The following SNX27 variants were observed in gnomAD, a reference collection of about 807,000 sequenced individuals.
The protein encoded by SNX27 is sorting nexin-27.
In SNX27, 22 loss-of-function variants were observed where a neutral mutation model predicts 71.6. That is an observed-to-expected ratio of 0.31 (90% CI 0.22 to 0.44). The LOEUF (loss-of-function observed/expected upper bound fraction) is 0.44, where lower values mean the gene tolerates loss of function less well. SNX27 is among the 20% of genes least tolerant of loss of function. The pLI is 1.00. For missense variants in SNX27, 531 were observed against 698.6 expected, an observed-to-expected ratio of 0.76 and a Z score of 2.70; for synonymous variants, 269 against 277.2, an observed-to-expected ratio of 0.97 and a Z score of 0.29.
chr1:151,690,569 C>A (rs1671390643), intron 8 of SNX27, among the ~76,000 whole-genome samples: 1 of 151,872 alleles, frequency 6.6e-6, no homozygotes, highest in Non-Finnish European at 1.5e-5. Flanking sequence ...TCCCACCTCA[C>A]CCTCCCAAGT....
intron 2 of SNX27, among the ~76,000 whole-genome samples, chr1:151,650,992 T>A (rs1401617949): frequency 6.6e-6 from 1 of 152,160 alleles, no homozygotes; most frequent in Non-Finnish European, 1.5e-5. Flanking sequence ...AAGTCTCCCA[T>A]GTCTACTTCT....
chr1:151,663,153 T>C (rs1013122138), intron 5 of SNX27, among the ~76,000 whole-genome samples: 6 of 142,012 alleles, frequency 4.2e-5, no homozygotes, highest in Non-Finnish European at 9.3e-5. Context: ...TCACATTTGA[T>C]TTTTTTTTTT....
Position 151,694,660 on chromosome 1 carries a change from A to G in SNX27, c.*243A>G. Reference sequence around the variant, plus strand: ...CTGAGTTAAGGCAGGAAAAGAAATAAGCCCAACCAACTTGCCAAAGGTATC... The same window carrying G: ...CTGAGTTAAGGCAGGAAAAGAAATAGGCCCAACCAACTTGCCAAAGGTATC... On this transcript the variant is annotated 3_prime_UTR_variant, in exon 12 of 12. Transcript: ENST00000458013. 2.3e-6 allele frequency: 1 copy of G among 425,846 alleles called. No homozygotes were observed. The highest frequency in any genetic ancestry group is 4.1e-6 in the Non-Finnish European group (1 of 241,364). 26.4% of individuals were successfully genotyped at this position (425,846 alleles called of 1,614,324 possible).
At position 151,693,272 on chromosome 1, in the gene SNX27, G is replaced by A. The variant is rs1038860168; in HGVS notation, c.1519-152G>A. ...CCACTAGAAGGAGCTAGAGAATAGT[G>A]GATGAACCAGGCCTGGGTTTTATGG... On this transcript the variant is annotated intron_variant, in intron 10 of 11. Transcript: ENST00000458013. 10 of 914,714 alleles carry A rather than the reference G, an allele frequency of 1.1e-5. No individual in the cohort carries two copies. The African/African-American group carries it at 1.7e-4, about 15-fold the overall frequency. The allele number at this position is 914,714 out of a possible 1,614,324, so 56.7% of individuals were successfully genotyped here. A position where few individuals can be genotyped will look rare whatever the true frequency, so the allele number is the denominator to read the frequency against.
At chr1:151,658,518 C>T in intron 3 of SNX27, 91 bp downstream of exon 3, 1 of 1,279,622 alleles carries the variant, frequency 7.8e-7, no homozygotes, top group Non-Finnish European at 1.1e-6. Context: ...TCCAGAACCT[C>T]AATAGTGAAT....
chr1:151,652,126 G>T (rs1669423328), intron 2 of SNX27, among the ~76,000 whole-genome samples: 1 of 150,574 alleles, frequency 6.6e-6, no homozygotes, highest in Non-Finnish European at 1.5e-5. Flanking sequence ...GTTGCAGTGA[G>T]CCGAGATGGC....
rs1441947959 is a variant in SNX27 at position 151,642,135 on chromosome 1, G to A, written c.543+3016G>A. Among the ~76,000 whole-genome samples, 3 of 151,876 alleles carry A rather than the reference G, an allele frequency of 2.0e-5. No homozygotes were observed. The East Asian group carries it at 5.8e-4, about 29-fold the overall frequency. On this transcript the variant is annotated intron_variant, in intron 2 of 11. Coordinates refer to ENST00000458013, the MANE Select transcript of SNX27 (RefSeq NM_001330723.2). The stretch of plus-strand genomic sequence containing the variant: ...TGTAATCCCAGCACTTTGGGAAGCT[G>A]AGGTGGGCAGATCACCTGAGGTCGG...
At chr1:151,673,022 T>C (rs1475506285) in intron 7 of SNX27, among the ~76,000 whole-genome samples, 1 of 151,998 alleles carries the variant, frequency 6.6e-6, no homozygotes, top group Non-Finnish European at 1.5e-5. Context: ...TAATTGGGTT[T>C]GGTTTGCTCT....
chr1:151,674,827 C>T (rs949455892), intron 7 of SNX27, among the ~76,000 whole-genome samples: 1 of 152,076 alleles, frequency 6.6e-6, no homozygotes, highest in Non-Finnish European at 1.5e-5. Context: ...GCTGGGATTA[C>T]AGGCACCCAC....
rs1435726771 is a variant in SNX27 at position 151,694,460 on chromosome 1, A to T, written c.*43A>T. The T allele has an allele frequency of 7.9e-6, 12 of 1,524,700 alleles. No individual in the cohort carries two copies. Among genetic ancestry groups the T allele is most frequent in the African/African-American group, 1.4e-5 (1 of 71,558 alleles). The allele number at this position is 1,524,700 out of a possible 1,614,324, so 94.4% of individuals were successfully genotyped here. A position where few individuals can be genotyped will look rare whatever the true frequency, so the allele number is the denominator to read the frequency against. ...CCCTTCCCTTCACCCCCATCCTCTT[A>T]CTCCTTTCATGTCCCATTTCAGACA... On this transcript the variant is annotated 3_prime_UTR_variant, in exon 12 of 12. Coordinates refer to ENST00000458013, the MANE Select transcript of SNX27 (RefSeq NM_001330723.2).
intron 1 of SNX27, among the ~76,000 whole-genome samples, chr1:151,620,850 C>T (rs527591811): frequency 9.2e-5 from 14 of 152,138 alleles, no homozygotes; most frequent in African/African-American, 3.4e-4. Context: ...CCACCATGCC[C>T]AGCTGAATTG....
intron 10 of SNX27, 163 bp downstream of exon 10, chr1:151,693,202 C>A: frequency 8.8e-7 from 1 of 1,133,978 alleles, no homozygotes; most frequent in South Asian, 1.6e-5. Context: ...TTGCTTTAGG[C>A]CTGACTGGAA....
rs528396001 is a variant in SNX27 at position 151,643,256 on chromosome 1, G to T, written c.543+4137G>T. ...TGGGATTACAGGCATGAGCAACCACGCCTGGCCTTTTATTTATTTATTTAT... is the reference window on the plus strand; with the variant it reads ...TGGGATTACAGGCATGAGCAACCACTCCTGGCCTTTTATTTATTTATTTAT... On this transcript the variant is annotated intron_variant, in intron 2 of 11. Transcript: ENST00000458013. Among the ~76,000 whole-genome samples, 280 of 137,038 alleles carry T rather than the reference G, an allele frequency of 2.0e-3. 12 individuals carry two copies. In the South Asian group the frequency reaches 0.064, roughly 32 times the overall value. 89.9% of individuals were successfully genotyped at this position (137,038 alleles called of 152,430 possible). A position where few individuals can be genotyped will look rare whatever the true frequency, so the allele number is the denominator to read the frequency against.
intron 8 of SNX27, among the ~76,000 whole-genome samples, chr1:151,689,489 C>A (rs1282938188): frequency 6.6e-6 from 1 of 152,216 alleles, no homozygotes; most frequent in Non-Finnish European, 1.5e-5. Flanking sequence ...TTTCCCAAAT[C>A]CCTGCCTTTG....
At chr1:151,671,172 T>C (rs1670438574) in intron 7 of SNX27, among the ~76,000 whole-genome samples, 1 of 152,134 alleles carries the variant, frequency 6.6e-6, no homozygotes, top group South Asian at 2.1e-4. Flanking sequence ...TACCATGCTG[T>C]TTTTGTTACT....
Position 151,683,422 on chromosome 1 carries a change from T to C in SNX27, c.1216T>C (p.Tyr406His), listed in dbSNP as rs1671056194. 1 of 1,613,554 alleles carries C rather than the reference T, an allele frequency of 6.2e-7. No individual in the cohort carries two copies. The highest frequency in any genetic ancestry group is 1.7e-4 in the Middle Eastern group (1 of 5,910). ...EEKSYQLQKL[Y>H]EQRKMVMYLN... ...AAAGTCCTATCAATTACAGAAGCTA[T>C]ACGAACAAAGAAAAATGGTCATGGT... The change falls in exon 8 of 12, where the codon TAC becomes CAC. Residue 406 changes from tyrosine (Y) to histidine (H), a missense_variant. Around this residue, in one of 5 missense-constraint regions of SNX27, gnomAD observed 157 missense variants for 178.4 expected, o/e 0.88. Coordinates refer to ENST00000458013, the MANE Select transcript of SNX27 (RefSeq NM_001330723.2).
intron 7 of SNX27, 91 bp downstream of exon 7, chr1:151,668,726 G>A: frequency 8.4e-7 from 1 of 1,190,450 alleles, no homozygotes. Flanking sequence ...TCCTTAGACA[G>A]GCTGCTTTGC....
At chr1:151,664,978 A>G (rs1424714037) in intron 5 of SNX27, among the ~76,000 whole-genome samples, 1 of 152,206 alleles carries the variant, frequency 6.6e-6, no homozygotes, top group Admixed American at 6.5e-5. Context: ...GAATGCTTAT[A>G]ATGTCCAGTT....
At chr1:151,656,368 C>T (rs1396739538) in intron 2 of SNX27, among the ~76,000 whole-genome samples, 1 of 151,880 alleles carries the variant, frequency 6.6e-6, no homozygotes, top group Non-Finnish European at 1.5e-5. Flanking sequence ...TGAAGGTAGG[C>T]AAAACGCATG....
Sources: gnomAD v4.1 joint callset for allele counts (sites outside exome capture counted in the v4.1 genomes callset) on GRCh38, gnomAD v4.1.1 for gene constraint, gnomAD v4.1.1 regional missense constraint, MANE v1.5 for transcripts, NCBI Gene and HGNC (gene_info 2026-07-23, HGNC 2026-07-21) for gene names.